The following COL4A4 variants were observed in gnomAD, a reference collection of about 807,000 sequenced individuals.
COL4A4 encodes the protein collagen type IV alpha 4 chain.
COL4A4 carries 105 observed loss-of-function variants against 192.9 expected under a neutral mutation model. The ratio of observed to expected loss-of-function variants is 0.54; its 90% CI spans 0.46 to 0.64. COL4A4 has a LOEUF of 0.64. COL4A4 is among the 30% of genes least tolerant of loss of function. The pLI, the probability that COL4A4 is intolerant of heterozygous loss-of-function variation, is 0.00. For synonymous variants in COL4A4, 762 were observed against 769.9 expected (o/e 0.99, Z 0.17); for missense variants, 1,967 against 2,169.3 (o/e 0.91, Z 1.85).
chr2:227,090,037 A>G, intron 20 of COL4A4, 80 bp from the exon 21 acceptor site: 1 of 1,083,446 alleles, frequency 9.2e-7, no homozygotes, highest in Non-Finnish European at 1.4e-6. Flanking sequence ...TGACTTTTGC[A>G]CTCACATCCT....
intron 24 of COL4A4, among the ~76,000 whole-genome samples, chr2:227,079,654 A>G (rs537422232): frequency 1.3e-5 from 2 of 152,182 alleles, no homozygotes; most frequent in Non-Finnish European, 2.9e-5. Context: ...TGCACTTTGA[A>G]ATAAGACAGA....
chr2:227,012,189 C>T lies in COL4A4; in HGVS notation c.4325G>A (p.Gly1442Glu). 6.2e-7 allele frequency: 1 copy of T among 1,613,224 alleles called. No homozygotes were observed. Among genetic ancestry groups the T allele is most frequent in the Non-Finnish European group, 8.5e-7 (1 of 1,179,180 alleles). Residue 1442 changes from glycine (G) to glutamate (E), a missense_variant, in exon 45 of 48, where the codon GGA (glycine) becomes GAA (glutamate). Transcript: ENST00000396625. ...AGTGACTGAAACTCTACCTGGTCCT[C>T]CAGGGTAGCCGTCTTCTCCTGTGTC... is the stretch of plus-strand genomic sequence containing the variant. The part of the protein sequence containing the change: ...KGDTGEDGYP[G>E]GPGPPGPIGD...
chr2:227,109,153 G>T, intron 10 of COL4A4, 71 bp downstream of exon 10: 3 of 1,425,800 alleles, frequency 2.1e-6, no homozygotes, highest in South Asian at 2.3e-5. Flanking sequence ...ACCCAAAATG[G>T]CAATGTTGCT....
chr2:227,041,787 G>GGAAAGAAAGAAAGGAAGAAAGAAA lies in COL4A4; in HGVS notation c.3505+360_3505+361insTTTCTTTCTTCCTTTCTTTCTTTC, dbSNP rs1971073610. On this transcript the variant is annotated intron_variant, in intron 37 of 47. Transcript: ENST00000396625. ...GGAAGGAAGGAAGGAAGGAAGGAAG[G>GGAAAGAAAGAAAGGAAGAAAGAAA]GAAAGAAAGAAAGAAAGGAAGAAAG... is the stretch of plus-strand genomic sequence containing the variant. Among the ~76,000 whole-genome samples, 2 of 44,158 alleles carry GGAAAGAAAGAAAGGAAGAAAGAAA rather than the reference G, an allele frequency of 4.5e-5. 1 individual carries two copies. The highest frequency in any genetic ancestry group is 5.4e-4 in the Admixed American group (2 of 3,716). 29.0% of individuals were successfully genotyped at this position (44,158 alleles called of 152,430 possible).
intron 37 of COL4A4, among the ~76,000 whole-genome samples, chr2:227,040,154 G>A (rs1397467790): frequency 6.6e-6 from 1 of 152,198 alleles, no homozygotes; most frequent in East Asian, 1.9e-4. Context: ...ATTAATCCCA[G>A]AAGAAGGGGT....
chr2:227,028,844 AT>A (rs1967633260), intron 41 of COL4A4, among the ~76,000 whole-genome samples: 1 of 151,528 alleles, frequency 6.6e-6, no homozygotes, highest in Admixed American at 6.6e-5. Context: ...TTTTGTAGAG[AT>A]GGGGGTCTCA....
chr2:227,073,939 T>C lies in COL4A4; in HGVS notation c.1987+3955A>G, dbSNP rs532557487. On this transcript the variant is annotated intron_variant, in intron 25 of 47. Coordinates refer to ENST00000396625, the MANE Select transcript of COL4A4 (RefSeq NM_000092.5). ...GACTTAAATATAAGACCTGAAACTA[T>C]CAAAATTCTATAAGACAACATTGGA... 3.3e-5 allele frequency among the ~76,000 whole-genome samples: 5 copies of C among 152,234 alleles called. No homozygotes were observed. The East Asian group carries it at 9.6e-4, about 29-fold the overall frequency.
At chr2:227,156,244 A>G (rs1335234883) in intron 1 of COL4A4, among the ~76,000 whole-genome samples, 1 of 151,276 alleles carries the variant, frequency 6.6e-6, no homozygotes, top group Non-Finnish European at 1.5e-5. Flanking sequence ...ACAAAAAAAC[A>G]AAAAATTTAG....
intron 11 of COL4A4, 27 bp downstream of exon 11, chr2:227,108,806 T>A: frequency 6.2e-7 from 1 of 1,609,300 alleles, no homozygotes; most frequent in African/African-American, 1.3e-5. Context: ...AGGGCTCTAT[T>A]GATGTATCTT....
At chr2:226,995,503 A>G in the COL4A4 span, 1 of 1,611,758 alleles carries the variant, frequency 6.2e-7, no homozygotes, top group Non-Finnish European at 8.5e-7. Flanking sequence ...CAGCGGCTTC[A>G]CAGATTCGAT....
the COL4A4 span, among the ~76,000 whole-genome samples, chr2:226,995,019 C>T: frequency 6.6e-6 from 1 of 151,846 alleles, no homozygotes; most frequent in East Asian, 1.9e-4. Context: ...AAGGAGCACC[C>T]AAAGGCTGAT....
At chr2:227,120,841 A>G in intron 5 of COL4A4, 173 bp downstream of exon 5, 1 of 728,476 alleles carries the variant, frequency 1.4e-6, no homozygotes, top group Non-Finnish European at 2.3e-6. Flanking sequence ...TGGGAGGCTG[A>G]GGTGGGAGGC....
At chr2:227,106,751 A>G (rs1463672167) in intron 12 of COL4A4, among the ~76,000 whole-genome samples, 1 of 152,154 alleles carries the variant, frequency 6.6e-6, no homozygotes, top group African/African-American at 2.4e-5. Context: ...TTTTTAGCAG[A>G]GACGGGGTTT....
chr2:227,031,862 C>T (rs750017029), intron 40 of COL4A4, 83 bp downstream of exon 40: 1 of 1,011,574 alleles, frequency 9.9e-7, no homozygotes, highest in Admixed American at 1.9e-5. Flanking sequence ...TCTATTCTGC[C>T]ACTCTCTGGT....
In COL4A4 at chr2:227,006,211, A is replaced by G. The variant is rs1051815130; in HGVS notation, c.*1114T>C. 2.6e-5 allele frequency: 4 copies of G among 152,654 alleles called. No homozygotes were observed. The highest frequency in any genetic ancestry group is 9.6e-5 in the African/African-American group (4 of 41,458). The allele number at this position is 152,654 out of a possible 1,614,324, so 9.5% of individuals were successfully genotyped here. The stretch of plus-strand genomic sequence containing the variant: ...AATCTTCTTACCTAAGTTTAATTAA[A>G]TCGGCCCTTAATTTTCTCCCAAGTG... On this transcript the variant is annotated 3_prime_UTR_variant, in exon 48 of 48. Coordinates refer to ENST00000396625, the MANE Select transcript of COL4A4 (RefSeq NM_000092.5).
chr2:227,115,234 T>C (rs1462316995), intron 7 of COL4A4, among the ~76,000 whole-genome samples: 1 of 151,950 alleles, frequency 6.6e-6, no homozygotes, highest in African/African-American at 2.4e-5. Flanking sequence ...TCCCCAAGGT[T>C]TTCCTACTTA....
intron 25 of COL4A4, among the ~76,000 whole-genome samples, chr2:227,070,252 C>T (rs1472427793): frequency 1.3e-5 from 2 of 151,380 alleles, no homozygotes; most frequent in African/African-American, 2.4e-5. Context: ...GAAATAGGAA[C>T]ACTTTTACAC....
intron 41 of COL4A4, among the ~76,000 whole-genome samples, chr2:227,028,656 A>ATTT (rs1967575934): frequency 1.4e-5 from 2 of 146,470 alleles, no homozygotes; most frequent in African/African-American, 2.5e-5. Context: ...TATTATTATT[A>ATTT]TTATTATTAT....
chr2:227,002,540 T>C (rs1187141519), downstream of COL4A4, among the ~76,000 whole-genome samples: 4 of 152,204 alleles, frequency 2.6e-5, no homozygotes, highest in Non-Finnish European at 4.4e-5. Flanking sequence ...GCCATCACTG[T>C]GCATAGAACA....
Sources: allele counts gnomAD v4.1 joint callset (sites outside exome capture counted in the v4.1 genomes callset), GRCh38; gene constraint gnomAD v4.1.1; transcripts MANE v1.5; gene names NCBI Gene and HGNC (gene_info 2026-07-23, HGNC 2026-07-21).